Variants in EYS observed in about 807,000 individuals in gnomAD.
EYS encodes the protein EGF-like photoreceptor maintenance factor.
EYS carries 250 observed loss-of-function variants against 282.1 expected under a neutral mutation model. The observed-to-expected ratio is 0.89, with a 90% CI of 0.80 to 0.98. EYS has a LOEUF of 0.98. Ranked by LOEUF, EYS falls within the 50% of genes least tolerant of loss-of-function variation. EYS has a pLI of 0.00. For missense variants in EYS, 4,016 were observed against 3,709.0 expected (o/e 1.08, Z -2.15); for synonymous variants, 1,355 against 1,282.9 (o/e 1.06, Z -1.20).
chr6:64,904,891 G>A lies in EYS; in HGVS notation c.2642-2391C>T, dbSNP rs145695960. On this transcript the variant is annotated intron_variant, in intron 16 of 42. Coordinates refer to ENST00000503581, the MANE Select transcript of EYS (RefSeq NM_001142800.2). ...TTACCAGCTAGCAACATATGTCAAT[G>A]GGTTGAGGAAATGAGATTGCCGAAA... Among the ~76,000 whole-genome samples the A allele has an allele frequency of 1.0e-3, 154 of 152,268 alleles. 1 individual carries two copies. The highest frequency in any genetic ancestry group is 3.5e-3 in the African/African-American group (146 of 41,560).
intron 8 of EYS, among the ~76,000 whole-genome samples, chr6:65,360,582 T>C (rs1266536719): frequency 1.3e-5 from 2 of 152,166 alleles, no homozygotes; most frequent in African/African-American, 4.8e-5. Flanking sequence ...CTATTATTAC[T>C]TTAACATTTT....
intron 35 of EYS, among the ~76,000 whole-genome samples, chr6:63,872,777 C>G (rs966583527): frequency 6.6e-6 from 1 of 151,530 alleles, no homozygotes; most frequent in African/African-American, 2.4e-5. Flanking sequence ...CATGCCTGGC[C>G]CACCTAAAAT....
intron 29 of EYS, among the ~76,000 whole-genome samples, chr6:64,350,271 A>C (rs1196450475): frequency 6.6e-6 from 1 of 151,576 alleles, no homozygotes; most frequent in Non-Finnish European, 1.5e-5. Flanking sequence ...AGAATATTTT[A>C]GATAAATCTG....
At chr6:64,807,558 A>C (rs192667808) in intron 22 of EYS, among the ~76,000 whole-genome samples, 9 of 152,260 alleles carry the variant, frequency 5.9e-5, no homozygotes, top group Admixed American at 5.2e-4. Context: ...AAGACTTTGA[A>C]AATCTTATCT....
chr6:64,427,359 A>G (rs552083052), intron 28 of EYS, among the ~76,000 whole-genome samples: 50 of 152,256 alleles, frequency 3.3e-4, no homozygotes, highest in African/African-American at 1.2e-3. Context: ...GAGAATGTCA[A>G]CTTGGGGAGA....
intron 36 of EYS, among the ~76,000 whole-genome samples, chr6:63,807,294 G>A (rs1770931594): frequency 6.6e-6 from 1 of 152,138 alleles, no homozygotes; most frequent in African/African-American, 2.4e-5. Flanking sequence ...GCTCGGTTGA[G>A]GAAATAAGAG....
chr6:65,358,714 G>T (rs113352346), intron 8 of EYS, among the ~76,000 whole-genome samples: 1 of 150,660 alleles, frequency 6.6e-6, no homozygotes, highest in South Asian at 2.1e-4. Flanking sequence ...TCCACCTATA[G>T]GTGAGACTAA....
intron 14 of EYS, among the ~76,000 whole-genome samples, chr6:64,967,328 ATTTTT>A (rs573625686): frequency 1.4e-5 from 2 of 143,240 alleles, no homozygotes; most frequent in Non-Finnish European, 3.1e-5. Flanking sequence ...TCAAAACTCC[ATTTTT>A]TTTTTTTTTA....
intron 11 of EYS, chr6:65,332,072 G>T: frequency 3.4e-6 from 1 of 290,492 alleles, no homozygotes; most frequent in Non-Finnish European, 6.4e-6. Context: ...TAAAATTCCA[G>T]TCTTTCAGCC....
intron 31 of EYS, among the ~76,000 whole-genome samples, chr6:64,177,215 T>A: frequency 6.6e-6 from 1 of 151,724 alleles, no homozygotes; most frequent in East Asian, 1.9e-4. Flanking sequence ...AATTATTGAC[T>A]TCCTGAAAAC....
chr6:64,844,709 TGAGTA>T (rs1269573818), intron 19 of EYS, among the ~76,000 whole-genome samples: 1 of 152,166 alleles, frequency 6.6e-6, no homozygotes, highest in Non-Finnish European at 1.5e-5. Flanking sequence ...TGGAAATGGA[TGAGTA>T]GAGTTCCTGT....
chr6:64,124,720 T>G (rs1257357692), intron 31 of EYS, among the ~76,000 whole-genome samples: 2 of 152,242 alleles, frequency 1.3e-5, no homozygotes, highest in Non-Finnish European at 2.9e-5. Flanking sequence ...ATTTCTTGAT[T>G]ACTGGTATGT....
At position 64,917,294 on chromosome 6, in the gene EYS, A is replaced by G. The variant is rs1439318891; in HGVS notation, c.2382-4551T>C. Reference sequence around the variant, plus strand: ...TCACTAGCTTCAAAAATCTTAATAAATGTCAATTTCTAATGACTAAGCATT... The same window carrying G: ...TCACTAGCTTCAAAAATCTTAATAAGTGTCAATTTCTAATGACTAAGCATT... On this transcript the variant is annotated intron_variant, in intron 15 of 42. Coordinates refer to ENST00000503581, the MANE Select transcript of EYS (RefSeq NM_001142800.2). Among the ~76,000 whole-genome samples, 3 of 152,096 alleles carry G rather than the reference A, an allele frequency of 2.0e-5. No homozygotes were observed. The East Asian group carries it at 5.8e-4, about 29-fold the overall frequency.
At chr6:63,990,093 AGT>A (rs751532050) in intron 34 of EYS, among the ~76,000 whole-genome samples, 10 of 151,770 alleles carry the variant, frequency 6.6e-5, no homozygotes, top group Non-Finnish European at 1.0e-4. Context: ...GATCTAGGGA[AGT>A]GTAAATAAAA....
At chr6:65,618,164 C>A (rs1388725739) in intron 2 of EYS, among the ~76,000 whole-genome samples, 58 of 152,280 alleles carry the variant, frequency 3.8e-4, no homozygotes, top group African/African-American at 1.3e-3. Flanking sequence ...TTTACAGTCC[C>A]ACCAACAGTG....
chr6:64,325,249 A>T (rs1447254510), intron 29 of EYS, among the ~76,000 whole-genome samples: 1 of 152,130 alleles, frequency 6.6e-6, no homozygotes, highest in Non-Finnish European at 1.5e-5. Flanking sequence ...ATATCACAGG[A>T]CTCTGTGCAG....
chr6:64,357,791 C>T (rs1561949274), intron 29 of EYS, among the ~76,000 whole-genome samples: 2 of 151,570 alleles, frequency 1.3e-5, no homozygotes, highest in Admixed American at 6.6e-5. Flanking sequence ...AGTGTGGTGG[C>T]TGTGTTGCAA....
Position 64,821,706 on chromosome 6 carries a change from T to C in EYS, c.3182A>G (p.Asn1061Ser). ...TGCATCACATGAACATGGATATTCA[T>C]TAATAAGTTCTGTGCACCTGAAACA... ...CLHGRCTELI[N>S]EYPCSCDADG... Residue 1061 changes from asparagine to serine, a missense_variant, in exon 21 of 43, where the codon AAT (asparagine) becomes AGT (serine). By Grantham distance (46) the Asn-to-Ser change is conservative. Transcript: ENST00000503581. 6.6e-7 allele frequency: 1 copy of C among 1,523,648 alleles called. No homozygotes were observed. Among genetic ancestry groups the C allele is most frequent in the South Asian group, 1.2e-5 (1 of 82,538 alleles). 94.4% of individuals were successfully genotyped at this position (1,523,648 alleles called of 1,614,324 possible).
intron 11 of EYS, among the ~76,000 whole-genome samples, chr6:65,320,563 C>A (rs577667333): frequency 1.3e-5 from 2 of 152,274 alleles, no homozygotes; most frequent in Admixed American, 6.5e-5. Context: ...GCTCCTTGAA[C>A]GTATTCAAGT....
Sources: gnomAD v4.1 joint callset for allele counts (sites outside exome capture counted in the v4.1 genomes callset) on GRCh38, gnomAD v4.1.1 for gene constraint, MANE v1.5 for transcripts, NCBI Gene and HGNC (gene_info 2026-07-23, HGNC 2026-07-21) for gene names.